The following SYNE2 variants were observed in gnomAD, a reference collection of about 807,000 sequenced individuals.
SYNE2 encodes the protein nesprin-2.
Under a neutral mutation model 856.3 loss-of-function variants are expected in SYNE2, and 431 were observed. The ratio of observed to expected loss-of-function variants is 0.50; its 90% CI spans 0.47 to 0.55. The LOEUF is 0.55. SYNE2 is among the 20% of genes least tolerant of loss of function. SYNE2 has a pLI of 0.00. For synonymous variants in SYNE2, 2,923 were observed against 2,872.3 expected (o/e 1.02, Z -0.56); for missense variants, 8,129 against 8,023.2 (o/e 1.01, Z -0.50).
At chr14:63,982,101 CACA>C (rs1373970605) in intron 16 of SYNE2, among the ~76,000 whole-genome samples, 2 of 152,296 alleles carry the variant, frequency 1.3e-5, no homozygotes, top group South Asian at 2.1e-4. Context: ...TTGAAGGAGA[CACA>C]ACAACATCCA....
intron 99 of SYNE2, among the ~76,000 whole-genome samples, chr14:64,198,656 G>T (rs1336822033): frequency 1.3e-5 from 2 of 151,906 alleles, no homozygotes; most frequent in African/African-American, 4.8e-5. Context: ...TCTTTAACTT[G>T]CACTAAGTAT....
chr14:64,021,740 T>A, intron 36 of SYNE2, 117 bp from the exon 37 acceptor site: 1 of 1,158,260 alleles, frequency 8.6e-7, no homozygotes. Flanking sequence ...AAAGAGAAAG[T>A]GAATCCACTC....
At chr14:63,833,406 G>A (rs958608501) in intron 1 of SYNE2, among the ~76,000 whole-genome samples, 1 of 151,806 alleles carries the variant, frequency 6.6e-6, no homozygotes, top group Non-Finnish European at 1.5e-5. Flanking sequence ...TATATGTGAC[G>A]ACAGATTCTT....
At chr14:64,174,137 T>C in intron 94 of SYNE2, 1 of 418,522 alleles carries the variant, frequency 2.4e-6, no homozygotes, top group Non-Finnish European at 4.2e-6. Flanking sequence ...AGTGGTGTGA[T>C]CTTGGCTCAC....
chr14:64,137,658 C>T, intron 78 of SYNE2, 129 bp from the exon 79 acceptor site: 1 of 959,438 alleles, frequency 1.0e-6, no homozygotes, highest in Non-Finnish European at 1.6e-6. Flanking sequence ...ACTATATAGT[C>T]TTGAATGTTG....
In SYNE2 at chr14:63,899,975, C is replaced by T. The variant is rs144966188; in HGVS notation, c.-51-9123C>T. On this transcript the variant is annotated intron_variant, in intron 1 of 115. Coordinates refer to ENST00000555002, the MANE Select transcript of SYNE2 (RefSeq NM_182914.3). ...TGTTAATTGTTGTCATTTTTAGTTT[C>T]ATGAGTGTTTTCCTTGAATTCCAGC... Among the ~76,000 whole-genome samples, 244 of 152,242 alleles carry T rather than the reference C, an allele frequency of 1.6e-3. 1 individual carries two copies. Among genetic ancestry groups the T allele is most frequent in the African/African-American group, 5.4e-3 (224 of 41,528 alleles).
Position 63,806,370 on chromosome 14 carries a change from G to A in SYNE2, c.-305+44384G>A, listed in dbSNP as rs193068889. 1.2e-3 allele frequency among the ~76,000 whole-genome samples: 180 copies of A among 152,258 alleles called. 3 individuals carry two copies. The highest frequency in any genetic ancestry group is 0.011 in the Admixed American group (166 of 15,274). ...GGATTAACTTTTTGATGTGCTGCTG[G>A]ATTCAGTTTGCTAGTATTTTGTTGA... On this transcript the variant is annotated intron_variant, in intron 1 of 23. Transcript: ENST00000674003.
intron 49 of SYNE2, 104 bp downstream of exon 49, chr14:64,056,370 T>G: frequency 3.6e-6 from 4 of 1,118,494 alleles, no homozygotes; most frequent in Non-Finnish European, 5.0e-6. Context: ...ATAGGTTTTT[T>G]TCTCTGTCAT....
Position 63,977,903 on chromosome 14 carries a change from A to G in SYNE2, c.1294-2A>G. ...TTTATGTCATGCTGAATTTCTTTTC[A>G]GAGCCTGATGGATAGATTTGAGCAT... On this transcript the variant is annotated splice_acceptor_variant, in intron 12 of 115. Coordinates refer to ENST00000555002, the MANE Select transcript of SYNE2 (RefSeq NM_182914.3). LOFTEE classifies it high-confidence loss of function. 6.2e-7 allele frequency: 1 copy of G among 1,606,194 alleles called. No homozygotes were observed. Among genetic ancestry groups the G allele is most frequent in the Non-Finnish European group, 8.5e-7 (1 of 1,172,898 alleles).
intron 93 of SYNE2, among the ~76,000 whole-genome samples, chr14:64,169,845 A>T (rs6573546): frequency 0.038 from 5,738 of 152,280 alleles, 332 homozygotes; most frequent in African/African-American, 0.13. Context: ...TGCTAAAATT[A>T]TGTAAAGTAC....
intron 1 of SYNE2, among the ~76,000 whole-genome samples, chr14:63,887,213 G>A (rs1181862359): frequency 3.9e-5 from 6 of 151,962 alleles, no homozygotes; most frequent in South Asian, 2.1e-4. Context: ...CTGGGGAGGC[G>A]GAGGTTGCAG....
intron 45 of SYNE2, among the ~76,000 whole-genome samples, chr14:64,031,752 T>C (rs1489372976): frequency 6.6e-6 from 1 of 152,222 alleles, no homozygotes; most frequent in Non-Finnish European, 1.5e-5. Context: ...TCAGAGACTG[T>C]CGGAAAGGAT....
At chr14:64,179,411 G>A (rs1427435402) in intron 96 of SYNE2, among the ~76,000 whole-genome samples, 1 of 152,222 alleles carries the variant, frequency 6.6e-6, no homozygotes, top group African/African-American at 2.4e-5. Context: ...AAAGTGCTGG[G>A]ATTACAGGCG....
At chr14:63,841,832 C>CTT (rs34947861) in intron 1 of SYNE2, among the ~76,000 whole-genome samples, 12,264 of 115,006 alleles carry the variant, frequency 0.11, 929 homozygotes, top group African/African-American at 0.14. Context: ...TTCTTTCTTT[C>CTT]TTTTTTTTTT....
At chr14:63,841,140 G>T (rs1890055017) in intron 1 of SYNE2, among the ~76,000 whole-genome samples, 1 of 152,152 alleles carries the variant, frequency 6.6e-6, no homozygotes, top group Non-Finnish European at 1.5e-5. Flanking sequence ...GCCCCAAGTG[G>T]CTGTGCTCAG....
At chr14:64,174,782 A>C (rs1728170798) in intron 94 of SYNE2, among the ~76,000 whole-genome samples, 162 bp from the exon 95 acceptor site, 2 of 152,216 alleles carry the variant, frequency 1.3e-5, no homozygotes, top group African/African-American at 4.8e-5. Context: ...GTAAAACATT[A>C]GCTTTTGATG....
chr14:64,117,025 A>G (rs902274372), intron 66 of SYNE2, among the ~76,000 whole-genome samples: 9 of 152,218 alleles, frequency 5.9e-5, no homozygotes, highest in African/African-American at 2.2e-4. Flanking sequence ...AGAGGACATA[A>G]GTAGAGTAGT....
chr14:63,910,261 C>T (rs1490007097), intron 2 of SYNE2, among the ~76,000 whole-genome samples: 2 of 152,016 alleles, frequency 1.3e-5, no homozygotes, highest in Non-Finnish European at 2.9e-5. Context: ...TGATATTTTC[C>T]TTTAAATTAA....
chr14:64,009,483 C>T (rs983390817), intron 31 of SYNE2, among the ~76,000 whole-genome samples: 5 of 142,838 alleles, frequency 3.5e-5, no homozygotes, highest in African/African-American at 1.3e-4. Flanking sequence ...TTGCAGTGAG[C>T]CAGGATCACA....
Sources: gnomAD v4.1 joint callset for allele counts (sites outside exome capture counted in the v4.1 genomes callset) on GRCh38, gnomAD v4.1.1 for gene constraint, MANE v1.5 for transcripts, NCBI Gene and HGNC (gene_info 2026-07-23, HGNC 2026-07-21) for gene names.